HS6ST3: variants seen among roughly 807,000 people sequenced by gnomAD.
HS6ST3 encodes the protein heparan sulfate 6-O-sulfotransferase 3.
HS6ST3 carries 12 observed loss-of-function variants against 36.7 expected under a neutral mutation model. That is an observed-to-expected ratio of 0.33 (90% CI 0.21 to 0.53). HS6ST3 has a LOEUF of 0.53. HS6ST3 is among the 20% of genes least tolerant of loss of function. The probability of loss-of-function intolerance (pLI) is 0.95; values close to 1 mark genes in which losing one functional copy is unlikely to be tolerated. For missense variants in HS6ST3, 584 were observed against 640.9 expected (o/e 0.91, Z 0.96); for synonymous variants, 240 against 257.5 (o/e 0.93, Z 0.65).
intron 1 of HS6ST3, among the ~76,000 whole-genome samples, chr13:96,377,814 G>A (rs555432825): frequency 9.2e-5 from 14 of 152,196 alleles, no homozygotes; most frequent in African/African-American, 2.6e-4. Context: ...AATCCAGGTC[G>A]GGTATATAAA....
At chr13:96,219,934 G>A (rs541473829) in intron 1 of HS6ST3, among the ~76,000 whole-genome samples, 11 of 152,214 alleles carry the variant, frequency 7.2e-5, no homozygotes, top group African/African-American at 2.4e-4. Context: ...TGCCCACCTC[G>A]GCCTCCCAAA....
rs561700188 is a variant in HS6ST3, at chr13:96,370,830, G to C, written c.707+279261G>C. 3.9e-5 allele frequency among the ~76,000 whole-genome samples: 6 copies of C among 152,288 alleles called. No homozygotes were observed. In the East Asian group the frequency reaches 1.2e-3, roughly 29 times the overall value. On this transcript the variant is annotated intron_variant, in intron 1 of 1. Coordinates refer to ENST00000376705, the MANE Select transcript of HS6ST3 (RefSeq NM_153456.4). ...GAGAATCGCTTGAACCCCTGGAAATGGAGGTTGCAGTGAGCTGAGATCGTG... is the reference window on the plus strand; with the variant it reads ...GAGAATCGCTTGAACCCCTGGAAATCGAGGTTGCAGTGAGCTGAGATCGTG...
intron 1 of HS6ST3, among the ~76,000 whole-genome samples, chr13:96,399,651 A>G (rs1255505670): frequency 1.3e-5 from 2 of 152,256 alleles, no homozygotes; most frequent in Non-Finnish European, 2.9e-5. Flanking sequence ...CCATCATAGA[A>G]TATCACTGAC....
chr13:96,587,141 A>G (rs1267385531), intron 1 of HS6ST3, among the ~76,000 whole-genome samples: 1 of 151,966 alleles, frequency 6.6e-6, no homozygotes, highest in East Asian at 1.9e-4. Context: ...CTTCTGTTCC[A>G]TTGGTCTGTG....
intron 1 of HS6ST3, among the ~76,000 whole-genome samples, chr13:96,799,822 T>G (rs567259461): frequency 6.6e-6 from 1 of 150,678 alleles, no homozygotes; most frequent in South Asian, 2.1e-4. Context: ...TGGGCTGAAT[T>G]GTGGTCTTCA....
At chr13:96,221,027 A>T (rs2054452410) in intron 1 of HS6ST3, among the ~76,000 whole-genome samples, 1 of 152,204 alleles carries the variant, frequency 6.6e-6, no homozygotes. Context: ...GGTCAAATGA[A>T]TGGATAGAAA....
intron 1 of HS6ST3, among the ~76,000 whole-genome samples, chr13:96,663,404 C>A (rs1235957093): frequency 2.6e-5 from 4 of 152,054 alleles, no homozygotes; most frequent in Admixed American, 2.6e-4. Context: ...TAATAAAGTA[C>A]CAAACATCAT....
At chr13:96,481,883 C>A (rs1238127109) in intron 1 of HS6ST3, among the ~76,000 whole-genome samples, 1 of 152,126 alleles carries the variant, frequency 6.6e-6, no homozygotes, top group African/African-American at 2.4e-5. Flanking sequence ...CCTTCTCTGG[C>A]CAGGCTCTCA....
chr13:96,707,709 C>T (rs1410552866), intron 1 of HS6ST3, among the ~76,000 whole-genome samples: 1 of 152,196 alleles, frequency 6.6e-6, no homozygotes, highest in Admixed American at 6.5e-5. Flanking sequence ...TTCTCCTTTG[C>T]AGTCTGTGTG....
rs993208371 is a variant in HS6ST3, at chr13:96,719,407, G to A, written c.708-113083G>A. On this transcript the variant is annotated intron_variant, in intron 1 of 1. Coordinates refer to ENST00000376705, the MANE Select transcript of HS6ST3 (RefSeq NM_153456.4). ...TTTGATTTCATGCTTTTTTTTTCCT[G>A]TAATGTTTGTGTTTTGACTTTTAAA... Among the ~76,000 whole-genome samples the A allele has an allele frequency of 5.9e-5, 9 of 151,510 alleles. 1 individual carries two copies. The highest frequency in any genetic ancestry group is 3.9e-4 in the Admixed American group (6 of 15,236).
At chr13:96,654,719 C>T (rs1037757713) in intron 1 of HS6ST3, among the ~76,000 whole-genome samples, 4 of 151,954 alleles carry the variant, frequency 2.6e-5, no homozygotes, top group African/African-American at 7.3e-5. Flanking sequence ...GAATATGATG[C>T]GATGTATGAA....
intron 1 of HS6ST3, among the ~76,000 whole-genome samples, chr13:96,172,393 A>T (rs1057068297): frequency 6.6e-6 from 1 of 152,226 alleles, no homozygotes; most frequent in Admixed American, 6.5e-5. Context: ...TCAGAAATTA[A>T]AAAGCCCTGT....
At chr13:96,654,734 T>A (rs9516730) in intron 1 of HS6ST3, among the ~76,000 whole-genome samples, 16,229 of 152,116 alleles carry the variant, frequency 0.11, 915 homozygotes, top group Admixed American at 0.17. Context: ...TATGAAATAT[T>A]TTTAATTTTT....
rs114630099 is a variant in HS6ST3, at chr13:96,557,114, T to C, written c.708-275376T>C. ...CCAGTCCAGCTGTTCATCAGTAATA[T>C]TTGCTACTGAAATCCAGATTCAACA... On this transcript the variant is annotated intron_variant, in intron 1 of 1. Transcript: ENST00000376705. Among the ~76,000 whole-genome samples, 531 of 152,314 alleles carry C rather than the reference T, an allele frequency of 3.5e-3. 6 individuals are homozygous for C. Among genetic ancestry groups the C allele is most frequent in the African/African-American group, 0.012 (504 of 41,570 alleles).
intron 1 of HS6ST3, among the ~76,000 whole-genome samples, chr13:96,299,217 G>A (rs1288824602): frequency 6.6e-6 from 1 of 152,142 alleles, no homozygotes; most frequent in African/African-American, 2.4e-5. Flanking sequence ...AAGCAACAAT[G>A]AAAATATGGT....
intron 1 of HS6ST3, among the ~76,000 whole-genome samples, chr13:96,112,176 C>T (rs889754769): frequency 9.9e-5 from 15 of 152,128 alleles, no homozygotes; most frequent in African/African-American, 3.6e-4. Flanking sequence ...GTAGTCCTTA[C>T]AGAATGGTAG....
intron 1 of HS6ST3, among the ~76,000 whole-genome samples, chr13:96,795,451 C>T (rs1200134695): frequency 1.3e-5 from 2 of 151,968 alleles, no homozygotes; most frequent in Admixed American, 6.6e-5. Context: ...ATAACTTTCC[C>T]AAGGCCATGT....
intron 1 of HS6ST3, among the ~76,000 whole-genome samples, chr13:96,436,101 G>A (rs2055640372): frequency 6.6e-6 from 1 of 152,148 alleles, no homozygotes; most frequent in African/African-American, 2.4e-5. Flanking sequence ...AAGTTAGAAT[G>A]CCCAAGCACT....
At chr13:96,720,274 A>G (rs1875810403) in intron 1 of HS6ST3, among the ~76,000 whole-genome samples, 1 of 152,188 alleles carries the variant, frequency 6.6e-6, no homozygotes, top group Non-Finnish European at 1.5e-5. Context: ...CAAGACCATG[A>G]CCATCTTCTT....
Sources: allele counts gnomAD v4.1 joint callset (sites outside exome capture counted in the v4.1 genomes callset), GRCh38; gene constraint gnomAD v4.1.1; transcripts MANE v1.5; gene names NCBI Gene and HGNC (gene_info 2026-07-23, HGNC 2026-07-21).